Variants in EIF3B observed in about 807,000 individuals in gnomAD.
The protein encoded by EIF3B is eukaryotic translation initiation factor 3 subunit 9.
Under a neutral mutation model 104.6 loss-of-function variants are expected in EIF3B, and 10 were observed. The observed-to-expected ratio is 0.10, with a 90% CI of 0.06 to 0.16. The LOEUF is 0.16. Among genes scored for constraint, EIF3B ranks in the 10% least tolerant of loss-of-function variants. EIF3B has a pLI of 1.00. For synonymous variants in EIF3B, 542 were observed against 417.2 expected (o/e 1.30, Z -3.65); for missense variants, 1,014 against 1,087.9 (o/e 0.93, Z 0.96).
At position 2,370,692 on chromosome 7, in the gene EIF3B, CG is replaced by C. The variant is rs796129264; in HGVS notation, c.1614+1014del. Among the ~76,000 whole-genome samples, 9 of 152,154 alleles carry C rather than the reference CG, an allele frequency of 5.9e-5. No homozygotes were observed. In the East Asian group the frequency reaches 1.7e-3, roughly 29 times the overall value. The stretch of plus-strand genomic sequence containing the variant: ...CATCGGCTGGGTGCGGTGGCTCCCC[CG>C]GGGTGGGAGGGAGGATAGCTTGAGG... On this transcript the variant is annotated intron_variant, in intron 10 of 18. Coordinates refer to ENST00000360876, the MANE Select transcript of EIF3B (RefSeq NM_001037283.2).
At chr7:2,376,767 G>A (rs1780654238) in intron 14 of EIF3B, 183 bp from the exon 15 acceptor site, 5 of 757,266 alleles carry the variant, frequency 6.6e-6, no homozygotes, top group South Asian at 4.1e-5. Context: ...ACTCCGGGTC[G>A]GTTGCATAAT....
chr7:2,362,882 T>C, intron 3 of EIF3B, 118 bp downstream of exon 3: 1 of 1,517,186 alleles, frequency 6.6e-7, no homozygotes, highest in East Asian at 2.3e-5. Context: ...TCCTTTCTGG[T>C]CAGGCTGCCG....
intron 11 of EIF3B, chr7:2,372,313 G>T: frequency 4.1e-6 from 1 of 243,988 alleles, no homozygotes; most frequent in Non-Finnish European, 8.0e-6. Context: ...TGGGAAACAT[G>T]GCCGCCCTTC....
At chr7:2,365,027 A>G (rs1189588896) in intron 6 of EIF3B, among the ~76,000 whole-genome samples, 2 of 152,222 alleles carry the variant, frequency 1.3e-5, no homozygotes, top group African/African-American at 2.4e-5. Context: ...TTGCAGGCTC[A>G]TTGCAACCCC....
At chr7:2,356,602 CAAAAA>C (rs558863981) in intron 1 of EIF3B, among the ~76,000 whole-genome samples, 4 of 90,296 alleles carry the variant, frequency 4.4e-5, no homozygotes, top group South Asian at 3.4e-4. Flanking sequence ...GACTCCGTCT[CAAAAA>C]AAAAAAAAAA....
rs1403300439 is a variant in EIF3B at position 2,369,341 on chromosome 7, A to AG, written c.1404-128dup. On this transcript the variant is annotated intron_variant, in intron 9 of 18. Coordinates refer to ENST00000360876, the MANE Select transcript of EIF3B (RefSeq NM_001037283.2). ...CATGCCCAGAGCAGTGGCTGTGCAG[A>AG]GGGAGCGCTCAGCGTCAGCTGTGAC... 11 of 949,474 alleles carry AG rather than the reference A, an allele frequency of 1.2e-5. No individual in the cohort carries two copies. In the African/African-American group the frequency reaches 1.5e-4, roughly 13 times the overall value. The allele number at this position is 949,474 out of a possible 1,614,324, so 58.8% of individuals were successfully genotyped here. A position where few individuals can be genotyped will look rare whatever the true frequency, so the allele number is the denominator to read the frequency against.
At chr7:2,375,288 G>T in intron 13 of EIF3B, 101 bp from the exon 14 acceptor site, 1 of 1,509,720 alleles carries the variant, frequency 6.6e-7, no homozygotes, top group Non-Finnish European at 9.1e-7. Context: ...TTAACGCCGA[G>T]GCTGGCTCCC....
intron 1 of EIF3B, among the ~76,000 whole-genome samples, chr7:2,357,116 T>G (rs1336593072): frequency 6.6e-6 from 1 of 152,210 alleles, no homozygotes; most frequent in Non-Finnish European, 1.5e-5. Flanking sequence ...TTTGAGCCCT[T>G]GGATATTCTG....
At chr7:2,366,279 AGAG>A (rs1562482518) in intron 6 of EIF3B, 35 bp from the exon 7 acceptor site, 2 of 1,541,854 alleles carry the variant, frequency 1.3e-6, no homozygotes, top group East Asian at 2.3e-5. Context: ...TCCTCTCGTG[AGAG>A]GAGGATAGTG....
chr7:2,368,903 C>T (rs75471483), intron 9 of EIF3B, among the ~76,000 whole-genome samples: 1 of 152,146 alleles, frequency 6.6e-6, no homozygotes, highest in African/African-American at 2.4e-5. Flanking sequence ...ATGAAAAGAC[C>T]AGGACGTTGG....
At chr7:2,365,973 A>C (rs548420347) in intron 6 of EIF3B, among the ~76,000 whole-genome samples, 2 of 152,170 alleles carry the variant, frequency 1.3e-5, no homozygotes, top group Non-Finnish European at 2.9e-5. Flanking sequence ...GGTGTGAGCC[A>C]CTGCGCCCAG....
chr7:2,358,377 C>T (rs1201843472), intron 1 of EIF3B, among the ~76,000 whole-genome samples: 1 of 152,026 alleles, frequency 6.6e-6, no homozygotes, highest in Non-Finnish European at 1.5e-5. Context: ...AGCCACCATG[C>T]TGGGTCAGTT....
chr7:2,366,724 C>T, intron 8 of EIF3B, 133 bp downstream of exon 8: 1 of 1,044,986 alleles, frequency 9.6e-7, no homozygotes, highest in Non-Finnish European at 1.4e-6. Context: ...GTCTCCTGTG[C>T]CTTTTTAACT....
In EIF3B at chr7:2,366,525, G is replaced by A. The variant is rs969101244; in HGVS notation, c.1290G>A (p.Lys430=). 2.5e-6 allele frequency: 4 copies of A among 1,614,026 alleles called. No individual in the cohort carries two copies. Among genetic ancestry groups the A allele is most frequent in the Non-Finnish European group, 3.4e-6 (4 of 1,180,024 alleles). ...CESSAHWPIF[K]WSHDGKFFAR... is the part of the protein sequence containing the mutation. ...ACCCTGGCACTTTTGTTTTTCTTAG[G>A]TGGAGCCATGATGGCAAATTCTTTG... The change falls in exon 8 of 19, where the codon AAG becomes AAA. Residue 430 remains lysine (K), a splice_region_variant and synonymous_variant. Coordinates refer to ENST00000360876, the MANE Select transcript of EIF3B (RefSeq NM_001037283.2).
Position 2,369,495 on chromosome 7 carries a change from G to A in EIF3B, c.1427G>A (p.Gly476Asp). The A allele has an allele frequency of 6.2e-7, 1 of 1,614,176 alleles. No homozygotes were observed. Among genetic ancestry groups the A allele is most frequent in the Non-Finnish European group, 8.5e-7 (1 of 1,180,048 alleles). Residue 476 changes from glycine (G) to aspartate (D), a missense_variant, in exon 10 of 19, where the codon GGT becomes GAT. Gly to Asp is a moderately conservative substitution (Grantham distance 94). Coordinates refer to ENST00000360876, the MANE Select transcript of EIF3B (RefSeq NM_001037283.2). ...AGAGACTTTTCTTGGTCTCCTGGTG[G>A]TAACATAATCGCCTTCTGGGTGCCT... The part of the protein sequence containing the change: ...GIKDFSWSPG[G>D]NIIAFWVPED...
At chr7:2,370,965 A>T (rs1260820759) in intron 10 of EIF3B, among the ~76,000 whole-genome samples, 2 of 152,170 alleles carry the variant, frequency 1.3e-5, no homozygotes, top group African/African-American at 4.8e-5. Flanking sequence ...CGGGAGGCTG[A>T]GGCAGGAGAA....
chr7:2,354,381 T>A (rs553654130), upstream of EIF3B: 17 of 152,340 alleles, frequency 1.1e-4, no homozygotes, highest in Admixed American at 5.2e-4. Context: ...TAACGTAAAC[T>A]AAACGGTTTC....
At chr7:2,376,321 C>T (rs1780627892) in intron 14 of EIF3B, 3 of 144,656 alleles carry the variant, frequency 2.1e-5, no homozygotes, top group Admixed American at 1.4e-4. Context: ...ATAGCGAAAC[C>T]CTAGCCCCAT....
chr7:2,357,981 C>T (rs937198342), intron 1 of EIF3B, among the ~76,000 whole-genome samples: 1 of 150,784 alleles, frequency 6.6e-6, no homozygotes, highest in Admixed American at 6.7e-5. Flanking sequence ...AGCAGGGTGT[C>T]CGGCACTGCA....
Sources: gnomAD v4.1 joint callset for allele counts (sites outside exome capture counted in the v4.1 genomes callset) on GRCh38, gnomAD v4.1.1 for gene constraint, MANE v1.5 for transcripts, NCBI Gene and HGNC (gene_info 2026-07-23, HGNC 2026-07-21) for gene names.